The following CCDC178 variants were observed in gnomAD, a reference collection of about 807,000 sequenced individuals.
CCDC178 encodes the protein coiled-coil domain-containing protein 178.
In CCDC178, 126 loss-of-function variants were observed where a neutral mutation model predicts 117.4. The ratio of observed to expected loss-of-function variants is 1.07; its 90% CI spans 0.93 to 1.24. The LOEUF is 1.24. Among genes scored for constraint, CCDC178 ranks in the 50% most tolerant of loss-of-function variants. The probability of loss-of-function intolerance (pLI) is 0.00; values close to 1 mark genes in which losing one functional copy is unlikely to be tolerated. For synonymous variants in CCDC178, 283 were observed against 313.4 expected, an observed-to-expected ratio of 0.90 and a Z score of 1.02; for missense variants, 1,030 against 986.9, an observed-to-expected ratio of 1.04 and a Z score of -0.59.
intron 19 of CCDC178, among the ~76,000 whole-genome samples, chr18:33,213,719 T>C (rs985776319): frequency 6.6e-6 from 1 of 152,058 alleles, no homozygotes; most frequent in Non-Finnish European, 1.5e-5. Context: ...ATAAAACAAG[T>C]GGACTTTGAA....
At chr18:33,252,232 T>C (rs1229423916) in intron 14 of CCDC178, among the ~76,000 whole-genome samples, 1 of 151,598 alleles carries the variant, frequency 6.6e-6, no homozygotes, top group Non-Finnish European at 1.5e-5. Flanking sequence ...TTGTTGAAAA[T>C]GAGAAAGCTA....
At chr18:33,079,378 ATGT>A (rs796527718) in intron 21 of CCDC178, among the ~76,000 whole-genome samples, 33 of 152,318 alleles carry the variant, frequency 2.2e-4, no homozygotes, top group African/African-American at 7.9e-4. Flanking sequence ...CAAACACTTC[ATGT>A]TGAAGACACC....
chr18:33,250,007 G>C (rs868812629), intron 14 of CCDC178, among the ~76,000 whole-genome samples: 5 of 151,762 alleles, frequency 3.3e-5, no homozygotes, highest in Admixed American at 6.6e-5. Flanking sequence ...TGGATTCCTA[G>C]GTATTTTATT....
intron 13 of CCDC178, 49 bp downstream of exon 13, chr18:33,267,153 G>A: frequency 6.5e-7 from 1 of 1,535,836 alleles, no homozygotes; most frequent in Admixed American, 2.1e-5. Flanking sequence ...TTAATATTTG[G>A]AAATAGAAAA....
At chr18:33,071,374 T>C (rs1391964132) in intron 21 of CCDC178, among the ~76,000 whole-genome samples, 2 of 152,130 alleles carry the variant, frequency 1.3e-5, no homozygotes, top group Non-Finnish European at 2.9e-5. Flanking sequence ...GAAAATAATT[T>C]GGAAAAGGCA....
chr18:33,248,711 G>C (rs1322894689), intron 14 of CCDC178, among the ~76,000 whole-genome samples: 1 of 151,934 alleles, frequency 6.6e-6, no homozygotes, highest in Non-Finnish European at 1.5e-5. Flanking sequence ...ATTTTGAATA[G>C]TGCCGCAATA....
intron 21 of CCDC178, among the ~76,000 whole-genome samples, chr18:33,057,759 G>T (rs1328452885): frequency 6.6e-6 from 1 of 152,128 alleles, no homozygotes; most frequent in African/African-American, 2.4e-5. Context: ...CTCCCAAAAT[G>T]CTGAGATTAC....
intron 21 of CCDC178, among the ~76,000 whole-genome samples, chr18:33,071,865 A>T (rs1392610430): frequency 6.6e-6 from 1 of 152,148 alleles, no homozygotes; most frequent in African/African-American, 2.4e-5. Flanking sequence ...TGTGCTCATC[A>T]ACTCTCTAGG....
intron 21 of CCDC178, among the ~76,000 whole-genome samples, chr18:32,999,000 G>C (rs764925744): frequency 2.6e-5 from 4 of 152,048 alleles, no homozygotes; most frequent in Non-Finnish European, 1.5e-5. Context: ...GTAGCATCTT[G>C]GCCACAGTAG....
chr18:33,218,760 G>A (rs966445010), intron 18 of CCDC178, among the ~76,000 whole-genome samples: 1 of 152,118 alleles, frequency 6.6e-6, no homozygotes, highest in East Asian at 1.9e-4. Flanking sequence ...TCAGATGGTT[G>A]TAGATCTGTG....
chr18:33,341,785 CCT>C (rs1341041376), intron 9 of CCDC178, among the ~76,000 whole-genome samples: 4 of 152,276 alleles, frequency 2.6e-5, no homozygotes, highest in Middle Eastern at 6.8e-3. Context: ...CCCAATTAAA[CCT>C]CTTTTTCTTC....
At chr18:32,976,939 T>C (rs769289158) in intron 21 of CCDC178, among the ~76,000 whole-genome samples, 12 of 152,164 alleles carry the variant, frequency 7.9e-5, no homozygotes, top group Non-Finnish European at 1.6e-4. Context: ...CATAATCTTA[T>C]AGATAAATAC....
rs1465060913 is a variant in CCDC178, at chr18:33,370,134, T to C, written c.264A>G (p.Val88=). ...TGACACAAGGTGCTGGAATATTTAC[T>C]ACGGCACAGCTGTGACGTCGACATG... ...SYPCRRHSCA[V]VNIPAPCVNK... The change falls in exon 6 of 23, where the codon GTA becomes GTG. Residue 88 remains valine (V), a synonymous_variant. Transcript: ENST00000383096. 1.2e-6 allele frequency: 2 copies of C among 1,606,364 alleles called. No homozygotes were observed. The highest frequency in any genetic ancestry group is 2.7e-5 in the African/African-American group (2 of 74,296).
At chr18:33,178,528 C>G (rs1281407141) in intron 20 of CCDC178, among the ~76,000 whole-genome samples, 1 of 152,090 alleles carries the variant, frequency 6.6e-6, no homozygotes, top group East Asian at 1.9e-4. Flanking sequence ...CCATTAGCAC[C>G]TTAAAACCCT....
intron 5 of CCDC178, among the ~76,000 whole-genome samples, chr18:33,382,045 T>A (rs901891502): frequency 6.6e-6 from 1 of 152,164 alleles, no homozygotes; most frequent in Non-Finnish European, 1.5e-5. Context: ...GGCAGTAAAC[T>A]CTAAGTCAAG....
intron 21 of CCDC178, among the ~76,000 whole-genome samples, chr18:33,037,734 C>T (rs907477456): frequency 6.6e-6 from 1 of 151,882 alleles, no homozygotes. Context: ...TATTTTAAGC[C>T]AGTTTAGTGA....
chr18:32,973,138 A>G (rs2054963062), intron 22 of CCDC178, among the ~76,000 whole-genome samples: 1 of 152,136 alleles, frequency 6.6e-6, no homozygotes, highest in Non-Finnish European at 1.5e-5. Flanking sequence ...AAATTAAAAC[A>G]AGGATTATTG....
chr18:32,998,934 C>T (rs2055573578), intron 21 of CCDC178, among the ~76,000 whole-genome samples: 1 of 151,946 alleles, frequency 6.6e-6, no homozygotes, highest in Non-Finnish European at 1.5e-5. Flanking sequence ...AAAGAGGCTC[C>T]TTCTGCTTGA....
Position 33,417,375 on chromosome 18 carries a change from A to G in CCDC178, c.-22-5265T>C, listed in dbSNP as rs1173194063. 7.9e-5 allele frequency among the ~76,000 whole-genome samples: 12 copies of G among 152,340 alleles called. No homozygotes were observed. The East Asian group carries it at 2.3e-3, about 29-fold the overall frequency. On this transcript the variant is annotated intron_variant, in intron 2 of 22. Coordinates refer to ENST00000383096, the MANE Select transcript of CCDC178 (RefSeq NM_001105528.4). Reference sequence around the variant, plus strand: ...ATATTGCATGATTCCATTTATATTCATGACATAACATAATTACAGAGTGGG... The same window carrying G: ...ATATTGCATGATTCCATTTATATTCGTGACATAACATAATTACAGAGTGGG...
Sources: gnomAD v4.1 joint callset for allele counts (sites outside exome capture counted in the v4.1 genomes callset) on GRCh38, gnomAD v4.1.1 for gene constraint, MANE v1.5 for transcripts, NCBI Gene and HGNC (gene_info 2026-07-23, HGNC 2026-07-21) for gene names.